SLC45A1: variants seen among roughly 807,000 people sequenced by gnomAD.
The protein encoded by SLC45A1 is solute carrier family 45 member 1, also known as proton-associated sugar transporter A.
A neutral mutation model predicts 57.6 loss-of-function variants in SLC45A1; 28 were observed. The ratio of observed to expected loss-of-function variants is 0.49; its 90% confidence interval spans 0.36 to 0.67. The LOEUF (loss-of-function observed/expected upper bound fraction) is 0.67, where lower values mean the gene tolerates loss of function less well. SLC45A1 is among the 30% of genes least tolerant of loss of function. SLC45A1 has a pLI of 0.00. For synonymous variants in SLC45A1, 459 were observed against 471.5 expected, an observed-to-expected ratio of 0.97 and a Z score of 0.34; for missense variants, 814 against 1,041.5, an observed-to-expected ratio of 0.78 and a Z score of 3.01.
Position 8,343,763 on chromosome 1 carries a change from C to T in SLC45A1, c.1997C>T (p.Ala666Val), listed in dbSNP as rs552541561. 1.1e-4 allele frequency: 184 copies of T among 1,613,232 alleles called. No homozygotes were observed. Among genetic ancestry groups the T allele is most frequent in the South Asian group, 1.0e-3 (95 of 91,048 alleles). The change falls in exon 9 of 9, where the codon GCG (alanine) becomes GTG (valine). Residue 666 changes from alanine (A) to valine (V), a missense_variant. Ala to Val is a moderately conservative substitution (Grantham distance 64). Coordinates refer to ENST00000471889, the MANE Select transcript of SLC45A1 (RefSeq NM_001080397.3). This position sits in a 1 kb window ranked among gnomAD's most constrained non-coding sequence, Gnocchi z 7.7. ...YQSKKFAGSSADGTRRGMGVD... is the reference protein window; with the variant it reads ...YQSKKFAGSSVDGTRRGMGVD... ...CTGGGTCAGTTTGCAGGGTCCAGTG[C>T]GGACGGCACCCGGCGGGGCATGGGC...
intron 8 of SLC45A1, among the ~76,000 whole-genome samples, chr1:8,340,449 A>G (rs1255199424): frequency 6.6e-6 from 1 of 152,196 alleles, no homozygotes; most frequent in Non-Finnish European, 1.5e-5. Flanking sequence ...GGCGTGAGCC[A>G]CCGCACCCAG....
chr1:8,325,774 C>A lies in SLC45A1; in HGVS notation c.491-44C>A. 6.4e-7 allele frequency: 1 copy of A among 1,552,528 alleles called. No individual in the cohort carries two copies. Among genetic ancestry groups the A allele is most frequent in the Non-Finnish European group, 8.8e-7 (1 of 1,131,682 alleles). ...AAGTCGTGAGCTGCCGGGGACAGAG[C>A]TGGTCTGCATTTTCTTGGGGTGACT... On this transcript the variant is annotated intron_variant, in intron 3 of 8. Coordinates refer to ENST00000471889, the MANE Select transcript of SLC45A1 (RefSeq NM_001080397.3). This position sits in a 1 kb window ranked among gnomAD's most constrained non-coding sequence, Gnocchi z 6.3.
rs754670688 is a variant in SLC45A1 at position 8,325,426 on chromosome 1, A to G, written c.490+36A>G. 5.3e-5 allele frequency: 57 copies of G among 1,075,966 alleles called. No homozygotes were observed. Among genetic ancestry groups the G allele is most frequent in the Admixed American group, 2.3e-4 (9 of 39,346 alleles). The allele number at this position is 1,075,966 out of a possible 1,614,324, so 66.7% of individuals were successfully genotyped here. A position where few individuals can be genotyped will look rare whatever the true frequency, so the allele number is the denominator to read the frequency against. On this transcript the variant is annotated intron_variant, in intron 3 of 8. Coordinates refer to ENST00000471889, the MANE Select transcript of SLC45A1 (RefSeq NM_001080397.3). This position sits in a 1 kb window ranked among gnomAD's most constrained non-coding sequence, Gnocchi z 6.3. ...TTGGCATGGAAATAAAATGGAGAGG[A>G]AAAAAAAAAGGCCCCAACTGCTTCC...
intron 4 of SLC45A1, among the ~76,000 whole-genome samples, chr1:8,329,510 A>G (rs543379234): frequency 6.6e-6 from 1 of 152,362 alleles, no homozygotes; most frequent in African/African-American, 2.4e-5. Context: ...AAGAAGCTGC[A>G]GTGTTTGGAG....
chr1:8,330,048 G>A lies in SLC45A1; in HGVS notation c.716-161G>A. The A allele has an allele frequency of 1.1e-6, 1 of 894,558 alleles. No individual in the cohort carries two copies. Among genetic ancestry groups the A allele is most frequent in the South Asian group, 1.7e-5 (1 of 59,040 alleles). 55.4% of individuals were successfully genotyped at this position (894,558 alleles called of 1,614,324 possible). ...GGGACCTCCTCAAGGGGCCCGCCCTGGGAATCCTGTCCCATTTTGTTGGGG... is the reference window on the plus strand; with the variant it reads ...GGGACCTCCTCAAGGGGCCCGCCCTAGGAATCCTGTCCCATTTTGTTGGGG... On this transcript the variant is annotated intron_variant, in intron 4 of 8. Transcript: ENST00000471889. The surrounding 1 kb of genome is among the most constrained non-coding windows in gnomAD (Gnocchi z 8.4).
chr1:8,344,013 A>G lies in SLC45A1; in HGVS notation c.2247A>G (p.Ter749TrpextTer44), dbSNP rs1295668990. Residue 749 changes from the stop codon to tryptophan, a stop_lost, in exon 9 of 9, where the codon TGA becomes TGG. Transcript: ENST00000471889. ...ACCGGCCCCTCCTGCTGAACGTCTGACATCGCGGAGCCTCGACTCCGGACA... is the reference window on the plus strand; with the variant it reads ...ACCGGCCCCTCCTGCTGAACGTCTGGCATCGCGGAGCCTCGACTCCGGACA... ...EEHRPLLLNV[*>W] The G allele has an allele frequency of 1.2e-6, 2 of 1,603,420 alleles. No individual in the cohort carries two copies. Among genetic ancestry groups the G allele is most frequent in the African/African-American group, 2.7e-5 (2 of 74,716 alleles).
chr1:8,341,179 G>A (rs1272702725), intron 8 of SLC45A1, among the ~76,000 whole-genome samples: 8 of 144,032 alleles, frequency 5.6e-5, no homozygotes, highest in Non-Finnish European at 7.5e-5. Flanking sequence ...CAGCCTGGGC[G>A]ACAGAGCAAG....
rs760204807 is a variant in SLC45A1, at chr1:8,330,207, A to C, written c.716-2A>C. 6.2e-7 allele frequency: 1 copy of C among 1,609,578 alleles called. No homozygotes were observed. The highest frequency in any genetic ancestry group is 8.5e-7 in the Non-Finnish European group (1 of 1,177,738). ...GAACTCAAACCCTGTCTCTTTCCCC[A>C]GGTCTCGGAGGAGGCTTTGGATACG... On this transcript the variant is annotated splice_acceptor_variant, in intron 4 of 8. Coordinates refer to ENST00000471889, the MANE Select transcript of SLC45A1 (RefSeq NM_001080397.3). LOFTEE classifies it high-confidence loss of function. The surrounding 1 kb of genome is among the most constrained non-coding windows in gnomAD (Gnocchi z 8.4).
chr1:8,344,136 G>A lies in SLC45A1; in HGVS notation c.*123G>A. The A allele has an allele frequency of 2.2e-6, 2 of 923,054 alleles. No individual in the cohort carries two copies. The highest frequency in any genetic ancestry group is 3.1e-6 in the Non-Finnish European group (2 of 637,796). The allele number at this position is 923,054 out of a possible 1,614,324, so 57.2% of individuals were successfully genotyped here. On this transcript the variant is annotated 3_prime_UTR_variant, in exon 9 of 9. Coordinates refer to ENST00000471889, the MANE Select transcript of SLC45A1 (RefSeq NM_001080397.3). ...GCTGCCTACTGGAATGTAAATATGT[G>A]ATAAAATAATAAATGACAGCGGCAA...
chr1:8,330,585 C>T lies in SLC45A1; in HGVS notation c.1092C>T (p.Phe364=), dbSNP rs764843488. Residue 364 remains phenylalanine (F), a synonymous_variant, in exon 5 of 9, where the codon TTC becomes TTT. Coordinates refer to ENST00000471889, the MANE Select transcript of SLC45A1 (RefSeq NM_001080397.3). The surrounding 1 kb of genome is among the most constrained non-coding windows in gnomAD (Gnocchi z 8.4). ...RDSSLTGISE[F]ASSFGTANID... ...GCTCCCTGACGGGCATCAGCGAGTT[C>T]GCCTCATCCTTTGGCACGGCCAACA... The T allele has an allele frequency of 4.6e-5, 75 of 1,613,454 alleles. No homozygotes were observed. The highest frequency in any genetic ancestry group is 5.9e-5 in the Non-Finnish European group (70 of 1,180,000).
Position 8,327,564 on chromosome 1 carries a change from C to A in SLC45A1, c.715+1522C>A, listed in dbSNP as rs191896547. On this transcript the variant is annotated intron_variant, in intron 4 of 8. Transcript: ENST00000471889. This position sits in a 1 kb window ranked among gnomAD's most constrained non-coding sequence, Gnocchi z 4.3. The stretch of plus-strand genomic sequence containing the variant: ...TGGCTCAGGCCTACTCTCAACACTT[C>A]GGGAGGCTAAGCCAGGAGGATTGCT... Among the ~76,000 whole-genome samples, 2 of 152,108 alleles carry A rather than the reference C, an allele frequency of 1.3e-5. No individual in the cohort carries two copies. Among genetic ancestry groups the A allele is most frequent in the Non-Finnish European group, 2.9e-5 (2 of 68,026 alleles).
At chr1:8,321,025 T>G (rs1639996695) in intron 1 of SLC45A1, among the ~76,000 whole-genome samples, 1 of 152,108 alleles carries the variant, frequency 6.6e-6, no homozygotes. Flanking sequence ...AAGGAGATGG[T>G]CTTACACAGT....
At position 8,328,351 on chromosome 1, in the gene SLC45A1, C is replaced by G. The variant is rs145359417; in HGVS notation, c.716-1858C>G. On this transcript the variant is annotated intron_variant, in intron 4 of 8. Coordinates refer to ENST00000471889, the MANE Select transcript of SLC45A1 (RefSeq NM_001080397.3). This position sits in a 1 kb window ranked among gnomAD's most constrained non-coding sequence, Gnocchi z 4.6. ...CAAATGGCTCTACTTCCACAAGCCT[C>G]GGTCGCATCTCCTGGAAAATGTTGC... 3.9e-5 allele frequency among the ~76,000 whole-genome samples: 6 copies of G among 152,180 alleles called. No homozygotes were observed. The highest frequency in any genetic ancestry group is 8.8e-5 in the Non-Finnish European group (6 of 68,030).
intron 8 of SLC45A1, 144 bp downstream of exon 8, chr1:8,339,842 G>C (rs900699605): frequency 3.3e-5 from 26 of 781,676 alleles, no homozygotes; most frequent in Middle Eastern, 3.4e-4. Context: ...ACCAAGGGGG[G>C]CCCTTCTGAG....
At position 8,343,059 on chromosome 1, in the gene SLC45A1, C is replaced by G. The variant is rs962866580; in HGVS notation, c.1981-688C>G. On this transcript the variant is annotated intron_variant, in intron 8 of 8. Transcript: ENST00000471889. This position sits in a 1 kb window ranked among gnomAD's most constrained non-coding sequence, Gnocchi z 7.7. ...TTGGAGTCTGACAAGTTCAGCTGGG[C>G]TGGCCCTGAGCACAGCCCTTCTGAT... Among the ~76,000 whole-genome samples the G allele has an allele frequency of 1.3e-5, 2 of 152,226 alleles. No individual in the cohort carries two copies. Among genetic ancestry groups the G allele is most frequent in the African/African-American group, 4.8e-5 (2 of 41,456 alleles).
Position 8,330,014 on chromosome 1 carries a change from G to A in SLC45A1, c.716-195G>A. 1 of 648,732 alleles carries A rather than the reference G, an allele frequency of 1.5e-6. No homozygotes were observed. Among genetic ancestry groups the A allele is most frequent in the South Asian group, 2.0e-5 (1 of 51,178 alleles). 40.2% of individuals were successfully genotyped at this position (648,732 alleles called of 1,614,324 possible). ...AAGGGCCCTGCAGGTGGCTGTGCAGGACAGGAGGGGGACCTCCTCAAGGGG... is the reference window on the plus strand; with the variant it reads ...AAGGGCCCTGCAGGTGGCTGTGCAGAACAGGAGGGGGACCTCCTCAAGGGG... On this transcript the variant is annotated intron_variant, in intron 4 of 8. Transcript: ENST00000471889. This position sits in a 1 kb window ranked among gnomAD's most constrained non-coding sequence, Gnocchi z 8.4.
chr1:8,323,640 T>C (rs1640102832), intron 1 of SLC45A1, among the ~76,000 whole-genome samples: 1 of 152,050 alleles, frequency 6.6e-6, no homozygotes, highest in Non-Finnish European at 1.5e-5. Context: ...TTTCGAACAC[T>C]GTCAAAGCCT....
At chr1:8,339,748 CA>C in intron 8 of SLC45A1, 50 bp downstream of exon 8, 1 of 1,498,966 alleles carries the variant, frequency 6.7e-7, no homozygotes, top group Non-Finnish European at 9.3e-7. Flanking sequence ...GGAGAAACCC[CA>C]CCTGAGAACT....
At chr1:8,333,035 C>G (rs183926796) in intron 5 of SLC45A1, among the ~76,000 whole-genome samples, 2 of 152,078 alleles carry the variant, frequency 1.3e-5, no homozygotes, top group Non-Finnish European at 2.9e-5. Context: ...TTCACTCGGC[C>G]GCAGACGCAC....
Sources: allele counts gnomAD v4.1 joint callset (sites outside exome capture counted in the v4.1 genomes callset), GRCh38; gene constraint gnomAD v4.1.1; non-coding constraint Gnocchi (gnomAD v3.1); transcripts MANE v1.5; gene names NCBI Gene and HGNC (gene_info 2026-07-23, HGNC 2026-07-21).